FSTL4: variants seen among roughly 807,000 people sequenced by gnomAD.
FSTL4 encodes the protein follistatin like 4, also known as follistatin-related protein 4.
Under a neutral mutation model 78.2 loss-of-function variants are expected in FSTL4, and 28 were observed. The observed-to-expected ratio is 0.36, with a 90% CI of 0.27 to 0.49. FSTL4 has a LOEUF of 0.49. FSTL4 is among the 20% of genes least tolerant of loss of function. The probability of loss-of-function intolerance (pLI) is 0.98; values close to 1 mark genes in which losing one functional copy is unlikely to be tolerated. For missense variants in FSTL4, 922 were observed against 1,084.9 expected (o/e 0.85, Z 2.11); for synonymous variants, 422 against 440.5 (o/e 0.96, Z 0.53).
chr5:133,303,653 C>T (rs1469894450), intron 6 of FSTL4, among the ~76,000 whole-genome samples: 1 of 152,212 alleles, frequency 6.6e-6, no homozygotes, highest in Non-Finnish European at 1.5e-5. Context: ...ACAAGCTGGG[C>T]CTTGTAGTAG....
At chr5:133,752,511 G>A in the FSTL4 span, among the ~76,000 whole-genome samples, 18 of 152,192 alleles carry the variant, frequency 1.2e-4, no homozygotes, top group South Asian at 3.7e-3. Context: ...CAGCCACTTG[G>A]GAGGCTGAGA....
At chr5:133,350,842 T>C (rs1219076714) in intron 4 of FSTL4, among the ~76,000 whole-genome samples, 1 of 152,120 alleles carries the variant, frequency 6.6e-6, no homozygotes, top group African/African-American at 2.4e-5. Flanking sequence ...GGACATCCCC[T>C]CTCTTCCTTA....
At chr5:133,202,782 T>C (rs548034520) in intron 14 of FSTL4, 1 of 152,192 alleles carries the variant, frequency 6.6e-6, no homozygotes, top group Non-Finnish European at 1.5e-5. Flanking sequence ...CTTGTACAAA[T>C]TGGTAGTGAC....
In FSTL4 at chr5:133,199,817, G is replaced by A; in HGVS notation, c.1827-20C>T. 1 of 1,420,968 alleles carries A rather than the reference G, an allele frequency of 7.0e-7. No homozygotes were observed. 88.0% of individuals were successfully genotyped at this position (1,420,968 alleles called of 1,614,324 possible). A position where few individuals can be genotyped will look rare whatever the true frequency, so the allele number is the denominator to read the frequency against. On this transcript the variant is annotated intron_variant, in intron 15 of 15. Coordinates refer to ENST00000265342, the MANE Select transcript of FSTL4 (RefSeq NM_015082.2). The surrounding 1 kb of genome is among the most constrained non-coding windows in gnomAD (Gnocchi z 4.4). ...CCAAACCTGGGAGGGGAAGAACTGA[G>A]GTCAGAAGTTGCCTCCAGGGGTGGG...
chr5:133,350,153 T>G (rs1028796045), intron 4 of FSTL4, among the ~76,000 whole-genome samples: 29 of 147,904 alleles, frequency 2.0e-4, no homozygotes, highest in Non-Finnish European at 3.6e-4. Context: ...GGATGGACTT[T>G]ATGTTTGTCA....
the FSTL4 span, among the ~76,000 whole-genome samples, chr5:133,764,592 G>A: frequency 2.0e-5 from 3 of 152,014 alleles, no homozygotes; most frequent in Admixed American, 6.5e-5. Flanking sequence ...ATAAAACCAT[G>A]TGCCTTTTCA....
chr5:133,741,380 C>T, the FSTL4 span, among the ~76,000 whole-genome samples: 9 of 152,230 alleles, frequency 5.9e-5, no homozygotes, highest in Non-Finnish European at 1.2e-4. Context: ...TCAAGGCCAG[C>T]CCCACCTTGA....
chr5:133,732,577 C>T, the FSTL4 span, among the ~76,000 whole-genome samples: 2 of 152,198 alleles, frequency 1.3e-5, no homozygotes, highest in African/African-American at 2.4e-5. Context: ...ACTACCATCT[C>T]ACCAGTACTG....
the FSTL4 span, among the ~76,000 whole-genome samples, chr5:133,771,952 T>C: frequency 6.6e-6 from 1 of 152,322 alleles, no homozygotes; most frequent in African/African-American, 2.4e-5. Flanking sequence ...TTCTTAGTTA[T>C]ACATTATTTA....
At chr5:133,337,899 T>C (rs114276227) in intron 4 of FSTL4, among the ~76,000 whole-genome samples, 2,166 of 152,276 alleles carry the variant, frequency 0.014, 71 homozygotes, top group African/African-American at 0.048. Flanking sequence ...TTTTGGAGGA[T>C]AGGATACTGT....
chr5:133,540,985 C>T (rs1459618523), intron 3 of FSTL4, among the ~76,000 whole-genome samples: 1 of 152,082 alleles, frequency 6.6e-6, no homozygotes, highest in East Asian at 1.9e-4. Context: ...TGCCAGCCCG[C>T]TCTCACAGCC....
At chr5:133,541,724 C>G (rs460866) in intron 3 of FSTL4, among the ~76,000 whole-genome samples, 64,259 of 151,658 alleles carry the variant, frequency 0.42, 14,108 homozygotes, top group African/African-American at 0.54. Flanking sequence ...TGACAAGTCC[C>G]CATGATGTTT....
At chr5:133,628,152 G>A in the FSTL4 span, among the ~76,000 whole-genome samples, 1 of 152,062 alleles carries the variant, frequency 6.6e-6, no homozygotes, top group Admixed American at 6.5e-5. Flanking sequence ...ATGCCCACAG[G>A]AGAAAACAGG....
intron 3 of FSTL4, among the ~76,000 whole-genome samples, chr5:133,467,257 AGTGTGT>A (rs34838954): frequency 1.0e-4 from 14 of 139,252 alleles, no homozygotes; most frequent in Admixed American, 5.7e-4. Flanking sequence ...AGTATATGTG[AGTGTGT>A]GTGTGTGTGT....
intron 3 of FSTL4, among the ~76,000 whole-genome samples, chr5:133,409,689 A>G (rs937113533): frequency 3.9e-5 from 6 of 152,204 alleles, no homozygotes; most frequent in Admixed American, 6.5e-5. Flanking sequence ...AGAGCTCAGC[A>G]CCAGGCCTGG....
At chr5:133,656,317 A>G in the FSTL4 span, among the ~76,000 whole-genome samples, 1 of 151,994 alleles carries the variant, frequency 6.6e-6, no homozygotes, top group East Asian at 1.9e-4. Flanking sequence ...TTCCCACCCA[A>G]AGGGTTGAGG....
chr5:133,430,507 C>T (rs1448143307), intron 3 of FSTL4, among the ~76,000 whole-genome samples: 1 of 152,148 alleles, frequency 6.6e-6, no homozygotes, highest in African/African-American at 2.4e-5. Context: ...AGCCAGAGAC[C>T]TTACAAGTTT....
intron 3 of FSTL4, among the ~76,000 whole-genome samples, chr5:133,425,653 G>GA (rs1756796034): frequency 6.6e-6 from 1 of 152,150 alleles, no homozygotes. Context: ...GTTCCTCTCT[G>GA]AAACTCTACA....
intron 3 of FSTL4, among the ~76,000 whole-genome samples, chr5:133,492,977 C>A (rs553918971): frequency 6.6e-6 from 1 of 151,966 alleles, no homozygotes; most frequent in South Asian, 2.1e-4. Context: ...TTCAGCTGTA[C>A]CTAATATGTT....
Sources: gnomAD v4.1 joint callset for allele counts (sites outside exome capture counted in the v4.1 genomes callset) on GRCh38, gnomAD v4.1.1 for gene constraint, Gnocchi (gnomAD v3.1) non-coding constraint, MANE v1.5 for transcripts, NCBI Gene and HGNC (gene_info 2026-07-23, HGNC 2026-07-21) for gene names.